Variants in ARHGAP32 observed in about 807,000 individuals in gnomAD.
ARHGAP32 encodes the protein rho GTPase-activating protein 32.
ARHGAP32 carries 51 observed loss-of-function variants against 186.5 expected under a neutral mutation model. The ratio of observed to expected loss-of-function variants is 0.27; its 90% CI spans 0.22 to 0.35. The LOEUF is 0.35. ARHGAP32 is among the 10% of genes least tolerant of loss of function. The pLI is 1.00. For missense variants in ARHGAP32, 2,186 were observed against 2,623.5 expected, an observed-to-expected ratio of 0.83 and a Z score of 3.64; for synonymous variants, 950 against 964.3, an observed-to-expected ratio of 0.99 and a Z score of 0.27.
At chr11:129,236,380 G>A (rs180934804) in intron 1 of ARHGAP32, among the ~76,000 whole-genome samples, 11 of 152,180 alleles carry the variant, frequency 7.2e-5, no homozygotes, top group Non-Finnish European at 8.8e-5. Context: ...TTTGAGAACT[G>A]TCTATCCATG....
At chr11:129,130,613 A>G (rs548593341) in intron 2 of ARHGAP32, among the ~76,000 whole-genome samples, 53 of 152,272 alleles carry the variant, frequency 3.5e-4, no homozygotes, top group Admixed American at 1.7e-3. Context: ...CAAGCTACTC[A>G]GTGTCATTAT....
chr11:129,064,069 C>A lies in ARHGAP32; in HGVS notation c.763-45G>T, dbSNP rs1045822590. On this transcript the variant is annotated intron_variant, in intron 8 of 22. Coordinates refer to ENST00000682385, the MANE Select transcript of ARHGAP32 (RefSeq NM_001378024.1). ...CTATGAGATAAAGACACTGGACTTGCAAATGCTTCTTTGACTATCTATAAA... is the reference window on the plus strand; with the variant it reads ...CTATGAGATAAAGACACTGGACTTGAAAATGCTTCTTTGACTATCTATAAA... The A allele has an allele frequency of 5.3e-6, 8 of 1,518,888 alleles. No individual in the cohort carries two copies. In the Admixed American group the frequency reaches 6.6e-5, roughly 12 times the overall value. The allele number at this position is 1,518,888 out of a possible 1,614,324, so 94.1% of individuals were successfully genotyped here. A position where few individuals can be genotyped will look rare whatever the true frequency, so the allele number is the denominator to read the frequency against.
chr11:129,206,725 T>C (rs1944518912), intron 1 of ARHGAP32, among the ~76,000 whole-genome samples: 1 of 152,032 alleles, frequency 6.6e-6, no homozygotes, highest in Non-Finnish European at 1.5e-5. Flanking sequence ...TGGGTTCCTC[T>C]AGCTCTTATA....
intron 11 of ARHGAP32, among the ~76,000 whole-genome samples, chr11:129,036,001 A>G (rs888162822): frequency 6.6e-6 from 1 of 152,224 alleles, no homozygotes; most frequent in Non-Finnish European, 1.5e-5. Context: ...CCTGTTTTCC[A>G]GAACTATCAA....
chr11:129,262,351 C>CATATATATGTTAAATATATATGT (rs1945333413), intron 1 of ARHGAP32, among the ~76,000 whole-genome samples: 8 of 151,874 alleles, frequency 5.3e-5, no homozygotes, highest in African/African-American at 1.9e-4. Context: ...TTTAACCCAC[C>CATATATATGTTAAATATATATGT]TTACAAATAA....
At chr11:129,196,162 GAATT>G (rs1355738385), upstream of ARHGAP32, among the ~76,000 whole-genome samples, 1 of 152,222 alleles carries the variant, frequency 6.6e-6, no homozygotes, top group African/African-American at 2.4e-5. Flanking sequence ...AAGTCAGAAT[GAATT>G]TTTTCGAAGA....
At chr11:129,192,060 G>A (rs752167594) in intron 1 of ARHGAP32, 23 bp downstream of exon 1, 106 of 1,566,646 alleles carry the variant, frequency 6.8e-5, no homozygotes, top group Non-Finnish European at 8.5e-5. Flanking sequence ...ACAGGACAAA[G>A]GAACTGTGAA....
intron 11 of ARHGAP32, among the ~76,000 whole-genome samples, chr11:129,038,404 G>T (rs1939443028): frequency 6.6e-6 from 1 of 151,944 alleles, no homozygotes; most frequent in Non-Finnish European, 1.5e-5. Context: ...ATGACTGTGG[G>T]TTAGCCAAAG....
intron 5 of ARHGAP32, among the ~76,000 whole-genome samples, chr11:129,117,811 G>A (rs1374695399): frequency 6.6e-6 from 1 of 151,452 alleles, no homozygotes; most frequent in East Asian, 1.9e-4. Context: ...AGCACAGCAG[G>A]AACAGCGCTG....
intron 5 of ARHGAP32, among the ~76,000 whole-genome samples, chr11:129,109,440 A>G (rs559410830): frequency 2.1e-4 from 32 of 152,190 alleles, no homozygotes; most frequent in African/African-American, 7.5e-4. Context: ...ATACATATGC[A>G]GTAGTGTAAT....
At chr11:129,069,174 T>C (rs1002016015) in intron 6 of ARHGAP32, among the ~76,000 whole-genome samples, 1 of 152,042 alleles carries the variant, frequency 6.6e-6, no homozygotes, top group African/African-American at 2.4e-5. Flanking sequence ...CACCCAGCCA[T>C]TTTCCTTAAC....
chr11:129,021,823 C>T (rs906190851), intron 11 of ARHGAP32, among the ~76,000 whole-genome samples: 1 of 151,824 alleles, frequency 6.6e-6, no homozygotes, highest in Non-Finnish European at 1.5e-5. Flanking sequence ...TTTACCACCT[C>T]GGTTATTATA....
intron 1 of ARHGAP32, among the ~76,000 whole-genome samples, chr11:129,268,820 C>G (rs1945439397): frequency 6.6e-6 from 1 of 152,078 alleles, no homozygotes; most frequent in South Asian, 2.1e-4. Flanking sequence ...GATCCTGTGA[C>G]TTCTCATTAT....
At chr11:129,028,139 T>C (rs1258333218) in intron 11 of ARHGAP32, among the ~76,000 whole-genome samples, 1 of 152,158 alleles carries the variant, frequency 6.6e-6, no homozygotes, top group Non-Finnish European at 1.5e-5. Context: ...TACTATAAAA[T>C]ACAACATCTG....
chr11:129,063,961 C>G lies in ARHGAP32; in HGVS notation c.826G>C (p.Gly276Arg), dbSNP rs1286672152. ...TACCTCTTGATAACATGGGCAGCAC[C>G]GACAGCAGGAGTGTTGATGGATGAC... ...EESSINTPAVGAAHVIKRYTA... is the reference protein window; with the variant it reads ...EESSINTPAVRAAHVIKRYTA... Residue 276 changes from glycine to arginine, a missense_variant, in exon 9 of 23, where the codon GGT (glycine) becomes CGT (arginine). Around this residue, in one of 5 missense-constraint regions of ARHGAP32, gnomAD observed 308 missense variants for 596.5 expected, o/e 0.52. Coordinates refer to ENST00000682385, the MANE Select transcript of ARHGAP32 (RefSeq NM_001378024.1). 6.2e-7 allele frequency: 1 copy of G among 1,612,674 alleles called. No homozygotes were observed. The highest frequency in any genetic ancestry group is 8.5e-7 in the Non-Finnish European group (1 of 1,179,202).
chr11:129,038,884 T>A, intron 11 of ARHGAP32, among the ~76,000 whole-genome samples: 3 of 89,786 alleles, frequency 3.3e-5, no homozygotes, highest in African/African-American at 9.4e-5. Context: ...AAAGACCCTG[T>A]CTCGAAAAAA....
intron 1 of ARHGAP32, among the ~76,000 whole-genome samples, chr11:129,228,242 T>C (rs1353183639): frequency 1.3e-5 from 2 of 152,172 alleles, no homozygotes; most frequent in Non-Finnish European, 2.9e-5. Context: ...AGGAAATGTA[T>C]AGCTGTAAAT....
At chr11:129,081,130 A>G (rs1255356599) in intron 6 of ARHGAP32, among the ~76,000 whole-genome samples, 1 of 152,066 alleles carries the variant, frequency 6.6e-6, no homozygotes, top group African/African-American at 2.4e-5. Flanking sequence ...AAAACTGCCA[A>G]CAAAAAAAAG....
At chr11:129,248,647 AAC>A (rs1939899408) in intron 1 of ARHGAP32, among the ~76,000 whole-genome samples, 1 of 152,170 alleles carries the variant, frequency 6.6e-6, no homozygotes, top group African/African-American at 2.4e-5. Flanking sequence ...TAAACGTCAT[AAC>A]ACAGTGCCTG....
Sources: allele counts gnomAD v4.1 joint callset (sites outside exome capture counted in the v4.1 genomes callset), GRCh38; gene constraint gnomAD v4.1.1; regional missense constraint gnomAD v4.1.1; transcripts MANE v1.5; gene names NCBI Gene and HGNC (gene_info 2026-07-23, HGNC 2026-07-21).